FRMPD4: variants seen among roughly 807,000 people sequenced by gnomAD.
FRMPD4 encodes FERM and PDZ domain-containing protein 4.
In FRMPD4, 22 loss-of-function variants were observed where a neutral mutation model predicts 94.1. The observed-to-expected ratio is 0.23, with a 90% CI of 0.17 to 0.33. The LOEUF (loss-of-function observed/expected upper bound fraction) is 0.33, where lower values mean the gene tolerates loss of function less well. Among genes scored for constraint, FRMPD4 ranks in the 10% least tolerant of loss-of-function variants. FRMPD4 has a pLI of 1.00. For missense variants in FRMPD4, 1,111 were observed against 1,339.9 expected (o/e 0.83, Z 2.67); for synonymous variants, 631 against 548.6 (o/e 1.15, Z -2.10).
chrX:11,982,612 C>G (rs1393402171), intron 3 of FRMPD4, among the ~76,000 whole-genome samples: 1 of 111,302 alleles, frequency 9.0e-6, no homozygotes, highest in Admixed American at 9.5e-5. Context: ...CTCTTTGTCC[C>G]GTGGACTGTA....
intron 3 of FRMPD4, among the ~76,000 whole-genome samples, chrX:12,017,546 G>T (rs1257668610): frequency 8.9e-6 from 1 of 112,050 alleles, no homozygotes; most frequent in Non-Finnish European, 1.9e-5. Context: ...CCCAATAAAT[G>T]GTCAGTGAAG....
At chrX:12,188,995 C>T (rs773543573) in intron 1 of FRMPD4, among the ~76,000 whole-genome samples, 1 of 110,930 alleles carries the variant, frequency 9.0e-6, no homozygotes, top group Non-Finnish European at 1.9e-5. Context: ...CTTTTAAAAG[C>T]CCAGAAGCTT....
intron 1 of FRMPD4, among the ~76,000 whole-genome samples, chrX:12,270,287 G>A (rs927698887): frequency 9.1e-6 from 1 of 110,432 alleles, no homozygotes; most frequent in Admixed American, 9.6e-5. Context: ...TTTTAAAAAT[G>A]TTTTCTTTAA....
intron 1 of FRMPD4, among the ~76,000 whole-genome samples, chrX:12,145,918 T>C (rs149666510): frequency 8.9e-6 from 1 of 112,100 alleles, no homozygotes; most frequent in Non-Finnish European, 1.9e-5. Flanking sequence ...TGTCAGCACT[T>C]ACAATACCAC....
intron 1 of FRMPD4, among the ~76,000 whole-genome samples, chrX:12,221,157 CT>C (rs1300688633): frequency 8.9e-6 from 1 of 112,126 alleles, no homozygotes; most frequent in Non-Finnish European, 1.9e-5. Flanking sequence ...TTGCAAAACA[CT>C]TAAGTTTACT....
intron 3 of FRMPD4, among the ~76,000 whole-genome samples, chrX:11,953,768 T>C (rs1488125767): frequency 2.7e-5 from 3 of 111,794 alleles, no homozygotes; most frequent in Non-Finnish European, 5.6e-5. Flanking sequence ...TCAAGGGGGA[T>C]TGGTTGTTCA....
intron 1 of FRMPD4, among the ~76,000 whole-genome samples, chrX:12,394,765 C>T (rs2056521612): frequency 9.0e-6 from 1 of 111,638 alleles, no homozygotes; most frequent in Admixed American, 9.6e-5. Context: ...AGAAGAGTTG[C>T]AATGCATTTG....
intron 1 of FRMPD4, among the ~76,000 whole-genome samples, chrX:12,367,857 T>C (rs377085586): frequency 3.1e-4 from 35 of 111,894 alleles, no homozygotes; most frequent in African/African-American, 1.1e-3. Context: ...GAATGTACTT[T>C]CATCTTCATG....
chrX:12,382,544 A>G (rs990181648), intron 1 of FRMPD4, among the ~76,000 whole-genome samples: 12 of 106,823 alleles, frequency 1.1e-4, no homozygotes, highest in Non-Finnish European at 2.0e-5. Flanking sequence ...ATAGCATAGC[A>G]TAGCATAGCA....
chrX:12,213,549 A>G (rs2056775464), intron 1 of FRMPD4, among the ~76,000 whole-genome samples: 1 of 111,962 alleles, frequency 8.9e-6, no homozygotes, highest in Non-Finnish European at 1.9e-5. Context: ...GAGTGGCTCA[A>G]TTTTTGTTTG....
At chrX:12,552,428 T>C (rs986795162) in intron 2 of FRMPD4, among the ~76,000 whole-genome samples, 6 of 111,526 alleles carry the variant, frequency 5.4e-5, no homozygotes, top group African/African-American at 2.0e-4. Context: ...TTATTTTGCT[T>C]CCATCCCCTA....
intron 1 of FRMPD4, among the ~76,000 whole-genome samples, chrX:12,287,218 T>G (rs2054614563): frequency 8.9e-6 from 1 of 111,840 alleles, no homozygotes; most frequent in Admixed American, 9.5e-5. Context: ...ACAGGCAATT[T>G]TAAAGTTCAA....
intron 1 of FRMPD4, among the ~76,000 whole-genome samples, chrX:12,322,913 G>A (rs1035491540): frequency 1.8e-5 from 2 of 111,457 alleles, no homozygotes; most frequent in African/African-American, 3.3e-5. Context: ...TAGAATTGAT[G>A]TTAATTAATA....
At position 12,707,459 on chromosome X, in the gene FRMPD4, T is replaced by C. The variant is rs2041898295; in HGVS notation, c.1288-10T>C. On this transcript the variant is annotated splice_polypyrimidine_tract_variant and intron_variant, in intron 12 of 16. Transcript: ENST00000675598. Reference sequence around the variant, plus strand: ...TCAGTATTTTTATGTTGTCAACTTCTCTTTCTCAGCAGGCAGAAAAGCGCT... The same window carrying C: ...TCAGTATTTTTATGTTGTCAACTTCCCTTTCTCAGCAGGCAGAAAAGCGCT... 2 of 1,180,220 alleles carry C rather than the reference T, an allele frequency of 1.7e-6. No homozygotes were observed. Among genetic ancestry groups the C allele is most frequent in the East Asian group, 6.0e-5 (2 of 33,276 alleles).
At chrX:12,139,119 G>A (rs776404518) in intron 1 of FRMPD4, 107 bp downstream of exon 1, 75 of 636,724 alleles carry the variant, frequency 1.2e-4, no homozygotes, top group Middle Eastern at 5.0e-4. Flanking sequence ...AAGCGCGACG[G>A]GGCTTAAGAC....
In FRMPD4 at chrX:12,001,665, C is replaced by G. The variant is rs181891523; in HGVS notation, c.95+123647C>G. On this transcript the variant is annotated intron_variant, in intron 3 of 18. Coordinates refer to the FRMPD4 transcript ENST00000640291. The stretch of plus-strand genomic sequence containing the variant: ...AGAAAGTCATCCTATCTAGTACACT[C>G]AGAATATCAATTTTCAATTTTGAAT... Among the ~76,000 whole-genome samples, 261 of 111,838 alleles carry G rather than the reference C, an allele frequency of 2.3e-3. 1 individual carries two copies. Among genetic ancestry groups the G allele is most frequent in the African/African-American group, 7.3e-3 (225 of 30,856 alleles).
chrX:12,635,293 G>A (rs1311687424), intron 4 of FRMPD4, among the ~76,000 whole-genome samples: 1 of 111,797 alleles, frequency 8.9e-6, no homozygotes, highest in African/African-American at 3.3e-5. Flanking sequence ...AAGAGTGTCG[G>A]GTGGAGCTGG....
chrX:12,461,237 T>A (rs1220679577), intron 1 of FRMPD4, among the ~76,000 whole-genome samples: 1 of 112,144 alleles, frequency 8.9e-6, no homozygotes, highest in Non-Finnish European at 1.9e-5. Flanking sequence ...TAGGATTTTT[T>A]CCCAAAACGA....
chrX:12,157,340 G>C (rs903264355), intron 1 of FRMPD4, among the ~76,000 whole-genome samples: 1 of 111,501 alleles, frequency 9.0e-6, no homozygotes, highest in Non-Finnish European at 1.9e-5. Context: ...TCTTCTTCCT[G>C]GAACATCACT....
Sources: gnomAD v4.1 joint callset for allele counts (sites outside exome capture counted in the v4.1 genomes callset) on GRCh38, gnomAD v4.1.1 for gene constraint, MANE v1.5 for transcripts, NCBI Gene and HGNC (gene_info 2026-07-23, HGNC 2026-07-21) for gene names.